The following GIMAP8 variants were observed in gnomAD, a reference collection of about 807,000 sequenced individuals.
The protein encoded by GIMAP8 is GTPase IMAP family member 8.
A neutral mutation model predicts 35.6 loss-of-function variants in GIMAP8; 29 were observed. That is an observed-to-expected ratio of 0.81 (90% CI 0.61 to 1.11). GIMAP8 has a LOEUF of 1.11. Among genes scored for constraint, GIMAP8 ranks in the 50% most tolerant of loss-of-function variants. GIMAP8 has a pLI of 0.00. For synonymous variants in GIMAP8, 335 were observed against 308.7 expected (o/e 1.09, Z -0.89); for missense variants, 811 against 805.0 (o/e 1.01, Z -0.09).
chr7:150,474,408 T>A lies in GIMAP8; in HGVS notation c.1079T>A (p.Ile360Asn). 1 of 1,614,142 alleles carries A rather than the reference T, an allele frequency of 6.2e-7. No individual in the cohort carries two copies. Among genetic ancestry groups the A allele is most frequent in the South Asian group, 1.1e-5 (1 of 91,074 alleles). ...NFGEKFFEYMIILLTRKEDLG... is the reference protein window; with the variant it reads ...NFGEKFFEYMNILLTRKEDLG... ...GGAGAAAAATTCTTTGAGTACATGA[T>A]CATACTTCTTACCAGGAAAGAAGAT... The change falls in exon 4 of 5, where the codon ATC becomes AAC. Residue 360 changes from isoleucine to asparagine, a missense_variant. Physicochemically the swap from Ile to Asn is moderately radical, Grantham distance 149. Transcript: ENST00000307271.
chr7:150,463,360 T>A (rs1801882117), intron 1 of GIMAP8, among the ~76,000 whole-genome samples: 1 of 152,212 alleles, frequency 6.6e-6, no homozygotes, highest in African/African-American at 2.4e-5. Context: ...TTCTTTGGGA[T>A]CTGTTACTAG....
In GIMAP8 at chr7:150,473,717, T is replaced by C. The variant is rs377039845; in HGVS notation, c.683-295T>C. On this transcript the variant is annotated intron_variant, in intron 3 of 4. Transcript: ENST00000307271. ...CTTACCTTTGGTAGGCCCCAGTACT[T>C]ACCTTTGATAACAAAATGAGGGGAA... Among the ~76,000 whole-genome samples the C allele has an allele frequency of 1.0e-3, 155 of 151,860 alleles. 1 individual carries two copies. In the South Asian group the frequency reaches 0.032, roughly 31 times the overall value.
intron 1 of GIMAP8, 87 bp from the exon 2 acceptor site, chr7:150,466,584 G>A (rs979061427): frequency 8.3e-7 from 1 of 1,208,588 alleles, no homozygotes; most frequent in South Asian, 1.5e-5. Context: ...GGCAATTTGA[G>A]TCAAAAAGAG....
intron 3 of GIMAP8, among the ~76,000 whole-genome samples, chr7:150,471,643 C>A (rs1323727522): frequency 6.6e-6 from 1 of 152,196 alleles, no homozygotes. Flanking sequence ...TCAAGACCAG[C>A]TTGGCCAACA....
chr7:150,455,333 G>GCGAC (rs1801707978), intron 1 of GIMAP8, among the ~76,000 whole-genome samples: 1 of 152,226 alleles, frequency 6.6e-6, no homozygotes, highest in Non-Finnish European at 1.5e-5. Context: ...GCTGAGAGGA[G>GCGAC]CCAAGACAGT....
chr7:150,466,135 C>T (rs1385677408), intron 1 of GIMAP8, among the ~76,000 whole-genome samples: 1 of 152,184 alleles, frequency 6.6e-6, no homozygotes, highest in Non-Finnish European at 1.5e-5. Context: ...ATATTATTTT[C>T]AGAGTATCAT....
intron 4 of GIMAP8, among the ~76,000 whole-genome samples, chr7:150,475,639 C>T (rs953841833): frequency 6.6e-6 from 1 of 152,190 alleles, no homozygotes; most frequent in African/African-American, 2.4e-5. Context: ...TTACTCATCC[C>T]GTTTTTTTTT....
chr7:150,467,699 G>T (rs893544766), intron 2 of GIMAP8, among the ~76,000 whole-genome samples: 3 of 151,956 alleles, frequency 2.0e-5, no homozygotes, highest in Admixed American at 6.6e-5. Context: ...TCCAAAGATC[G>T]CTGAGTCCTT....
chr7:150,474,039 C>T lies in GIMAP8; in HGVS notation c.710C>T (p.Thr237Ile), dbSNP rs1478959970. Reference sequence around the variant, plus strand: ...CCAAGGGAAAGGCAGCTGCAGTCCACAGGACCCGAGCAGAATCCGGGGACA... The same window carrying T: ...CCAAGGGAAAGGCAGCTGCAGTCCATAGGACCCGAGCAGAATCCGGGGACA... ...QGPRERQLQS[T>I]GPEQNPGTSE... The change falls in exon 4 of 5, where the codon ACA (threonine) becomes ATA (isoleucine). Residue 237 changes from threonine to isoleucine, a missense_variant. Physicochemically the swap from Thr to Ile is moderately conservative, Grantham distance 89 (BLOSUM62 -1). Transcript: ENST00000307271. 1.2e-6 allele frequency: 2 copies of T among 1,613,718 alleles called. No homozygotes were observed. The highest frequency in any genetic ancestry group is 1.7e-6 in the Non-Finnish European group (2 of 1,179,900).
rs1189115052 is a variant in GIMAP8 at position 150,458,604 on chromosome 7, A to G, written c.-29+7429A>G. 2.0e-5 allele frequency among the ~76,000 whole-genome samples: 3 copies of G among 152,184 alleles called. No homozygotes were observed. In the East Asian group the frequency reaches 5.8e-4, roughly 29 times the overall value. ...CTCACCTTATCCATCTGGAATCCAT[A>G]CACTTCTCCATAAATGACACTTAAT... On this transcript the variant is annotated intron_variant, in intron 1 of 4. Transcript: ENST00000307271.
intron 3 of GIMAP8, among the ~76,000 whole-genome samples, chr7:150,471,991 T>C (rs574419165): frequency 2.6e-5 from 4 of 152,326 alleles, no homozygotes; most frequent in Admixed American, 6.5e-5. Context: ...GTGAGCCTCA[T>C]CCTCATTTCA....
chr7:150,472,982 A>G lies in GIMAP8; in HGVS notation c.683-1030A>G, dbSNP rs910459473. Among the ~76,000 whole-genome samples the G allele has an allele frequency of 6.6e-6, 1 of 152,146 alleles. No individual in the cohort carries two copies. The highest frequency in any genetic ancestry group is 2.1e-4 in the South Asian group (1 of 4,826). ...GGTGCTGTTTCCTTTAGTCTTTTCA[A>G]CCTCAACGTGGGCATTAGATTCCCA... On this transcript the variant is annotated intron_variant, in intron 3 of 4. Coordinates refer to ENST00000307271, the MANE Select transcript of GIMAP8 (RefSeq NM_175571.4). The surrounding 1 kb of genome is among the most constrained non-coding windows in gnomAD (Gnocchi z 4.1).
At position 150,477,755 on chromosome 7, in the gene GIMAP8, A is replaced by C; in HGVS notation, c.1973A>C (p.Lys658Thr). ...QEMSQAEKLLKNLIGILQ is the reference protein window; with the variant it reads ...QEMSQAEKLLTNLIGILQ ...ATGTCCCAAGCCGAAAAACTCCTTA[A>C]AAATTTAATAGGTATTTTACAATAG... Residue 658 changes from lysine to threonine, a missense_variant, in exon 5 of 5, where the codon AAA (lysine) becomes ACA (threonine). Physicochemically the swap from Lys to Thr is moderately conservative, Grantham distance 78 (BLOSUM62 -1). Transcript: ENST00000307271. 1 of 1,613,276 alleles carries C rather than the reference A, an allele frequency of 6.2e-7. No homozygotes were observed. Among genetic ancestry groups the C allele is most frequent in the East Asian group, 2.2e-5 (1 of 44,866 alleles).
intron 2 of GIMAP8, among the ~76,000 whole-genome samples, chr7:150,468,653 C>CTTGTATGTAT (rs1314687387): frequency 2.6e-5 from 4 of 152,270 alleles, no homozygotes; most frequent in Non-Finnish European, 5.9e-5. Context: ...TTCATGTATG[C>CTTGTATGTAT]TTGTATGTAT....
chr7:150,456,448 C>T (rs1468740821), intron 1 of GIMAP8, among the ~76,000 whole-genome samples: 1 of 152,154 alleles, frequency 6.6e-6, no homozygotes, highest in Non-Finnish European at 1.5e-5. Flanking sequence ...TCTTCAAGTC[C>T]CTCTGTCTCT....
intron 2 of GIMAP8, among the ~76,000 whole-genome samples, chr7:150,470,614 A>G (rs1364090360): frequency 6.6e-6 from 1 of 152,148 alleles, no homozygotes; most frequent in Non-Finnish European, 1.5e-5. Context: ...AACCAGTCCT[A>G]GCAGCATCAG....
In GIMAP8 at chr7:150,477,536, A is replaced by T; in HGVS notation, c.1754A>T (p.Lys585Ile). ...LEDFMKNSDN[K>I]ALRRIFKKCG... ...GACTTCATGAAGAACTCAGATAACA[A>T]AGCCCTTCGGCGCATTTTTAAAAAG... The change falls in exon 5 of 5, where the codon AAA (lysine) becomes ATA (isoleucine). Residue 585 changes from lysine (K) to isoleucine (I), a missense_variant. Coordinates refer to ENST00000307271, the MANE Select transcript of GIMAP8 (RefSeq NM_175571.4). The T allele has an allele frequency of 6.2e-7, 1 of 1,614,112 alleles. No individual in the cohort carries two copies. The highest frequency in any genetic ancestry group is 1.7e-4 in the Middle Eastern group (1 of 6,060).
chr7:150,459,896 G>A lies in GIMAP8; in HGVS notation c.-28-6775G>A, dbSNP rs149687975. On this transcript the variant is annotated intron_variant, in intron 1 of 4. Transcript: ENST00000307271. ...CATTGTGTGCAGGGAAGGCAAATCC[G>A]TATTCAGAGTAAGTGTCTATTTTGA... 2.2e-4 allele frequency among the ~76,000 whole-genome samples: 34 copies of A among 152,310 alleles called. No individual in the cohort carries two copies. The East Asian group carries it at 4.8e-3, about 22-fold the overall frequency.
In GIMAP8 at chr7:150,457,578, C is replaced by G. The variant is rs562484264; in HGVS notation, c.-29+6403C>G. On this transcript the variant is annotated intron_variant, in intron 1 of 4. Transcript: ENST00000307271. ...AGATCTATGAGATGTGTAGAATCAA[C>G]AAAGGTTTAGTAACCAGAACATATA... 5.9e-5 allele frequency among the ~76,000 whole-genome samples: 9 copies of G among 152,184 alleles called. 1 individual carries two copies. The South Asian group carries it at 1.9e-3, about 32-fold the overall frequency.
Sources: allele counts gnomAD v4.1 joint callset (sites outside exome capture counted in the v4.1 genomes callset), GRCh38; gene constraint gnomAD v4.1.1; non-coding constraint Gnocchi (gnomAD v3.1); transcripts MANE v1.5; gene names NCBI Gene and HGNC (gene_info 2026-07-23, HGNC 2026-07-21).